ZC3H12B: variants seen among roughly 807,000 people sequenced by gnomAD.
ZC3H12B encodes probable ribonuclease ZC3H12B.
ZC3H12B carries 7 observed loss-of-function variants against 43.9 expected under a neutral mutation model. That is an observed-to-expected ratio of 0.16 (90% confidence interval 0.09 to 0.30). ZC3H12B has a LOEUF of 0.30. Ranked by LOEUF, ZC3H12B falls within the 10% of genes least tolerant of loss-of-function variation. ZC3H12B has a pLI of 1.00. For missense variants in ZC3H12B, 475 were observed against 670.2 expected (o/e 0.71, Z 3.22); for synonymous variants, 222 against 241.7 (o/e 0.92, Z 0.76).
chrX:65,418,396 T>A (rs953272001), intron 3 of ZC3H12B, among the ~76,000 whole-genome samples: 1 of 111,728 alleles, frequency 9.0e-6, no homozygotes, highest in Non-Finnish European at 1.9e-5. Context: ...GCACTTTAAA[T>A]GAGTATTCTT....
At chrX:65,301,743 T>G in the ZC3H12B span, among the ~76,000 whole-genome samples, 1 of 111,099 alleles carries the variant, frequency 9.0e-6, no homozygotes, top group African/African-American at 3.3e-5. Context: ...GACTACACAC[T>G]GGGTACAGTG....
the ZC3H12B span, among the ~76,000 whole-genome samples, chrX:65,143,704 A>G: frequency 9.2e-6 from 1 of 108,345 alleles, no homozygotes; most frequent in Admixed American, 1.0e-4. Context: ...CTGGGACTAG[A>G]GGTGAGCACC....
At chrX:65,152,435 A>C in the ZC3H12B span, among the ~76,000 whole-genome samples, 7 of 111,579 alleles carry the variant, frequency 6.3e-5, no homozygotes, top group African/African-American at 1.9e-4. Flanking sequence ...TTATACACCA[A>C]TAACAGACAG....
the ZC3H12B span, among the ~76,000 whole-genome samples, chrX:65,085,071 A>T: frequency 8.9e-6 from 1 of 111,808 alleles, no homozygotes; most frequent in Non-Finnish European, 1.9e-5. Context: ...AATTGAACTC[A>T]TGGACATAGT....
At chrX:65,480,304 TG>T (rs1356937045) in intron 3 of ZC3H12B, among the ~76,000 whole-genome samples, 1 of 112,248 alleles carries the variant, frequency 8.9e-6, no homozygotes, top group Non-Finnish European at 1.9e-5. Flanking sequence ...ATTTCTACTG[TG>T]GGAAAAAAAG....
At chrX:65,240,786 CT>C in the ZC3H12B span, among the ~76,000 whole-genome samples, 52 of 111,950 alleles carry the variant, frequency 4.6e-4, no homozygotes, top group Non-Finnish European at 5.6e-4. Context: ...TTTGTTGTTG[CT>C]TTCATTTGTT....
the ZC3H12B span, among the ~76,000 whole-genome samples, chrX:65,173,550 C>T: frequency 9.0e-6 from 1 of 111,644 alleles, no homozygotes; most frequent in Non-Finnish European, 1.9e-5. Flanking sequence ...ATGATATTGG[C>T]TATGGGTTTG....
At chrX:65,046,276 G>C in the ZC3H12B span, among the ~76,000 whole-genome samples, 1 of 112,008 alleles carries the variant, frequency 8.9e-6, no homozygotes, top group East Asian at 2.8e-4. Flanking sequence ...TCCGATAGAA[G>C]GCTGTTTTAT....
At chrX:65,094,730 T>A in the ZC3H12B span, among the ~76,000 whole-genome samples, 2 of 112,176 alleles carry the variant, frequency 1.8e-5, no homozygotes, top group African/African-American at 6.5e-5. Flanking sequence ...GATGAAACAA[T>A]TAAAATTGTT....
At chrX:65,452,642 A>G (rs755278753) in intron 3 of ZC3H12B, among the ~76,000 whole-genome samples, 1 of 111,650 alleles carries the variant, frequency 9.0e-6, no homozygotes, top group South Asian at 3.8e-4. Flanking sequence ...GGAATTCAAG[A>G]CCAGCCTGGC....
the ZC3H12B span, among the ~76,000 whole-genome samples, chrX:65,314,714 G>A: frequency 9.0e-6 from 1 of 111,248 alleles, no homozygotes; most frequent in African/African-American, 3.3e-5. Flanking sequence ...CAGAAATGAA[G>A]AGCAACAGAA....
the ZC3H12B span, among the ~76,000 whole-genome samples, chrX:65,273,877 G>A: frequency 1.8e-5 from 2 of 112,371 alleles, no homozygotes; most frequent in African/African-American, 6.5e-5. Context: ...AAAAACAGGA[G>A]TAACATCTTC....
chrX:65,320,967 C>T, the ZC3H12B span, among the ~76,000 whole-genome samples: 2 of 112,098 alleles, frequency 1.8e-5, no homozygotes, highest in East Asian at 2.8e-4. Flanking sequence ...TTAGGCAATA[C>T]CATTTTGAAA....
the ZC3H12B span, among the ~76,000 whole-genome samples, chrX:65,096,625 T>G: frequency 9.0e-6 from 1 of 111,015 alleles, no homozygotes; most frequent in African/African-American, 3.3e-5. Context: ...GAAGAAACAT[T>G]GAAGAAAATG....
the ZC3H12B span, among the ~76,000 whole-genome samples, chrX:65,280,449 G>A: frequency 8.9e-6 from 1 of 111,751 alleles, no homozygotes; most frequent in Non-Finnish European, 1.9e-5. Context: ...TACTGAATGG[G>A]GAAAACCTGA....
At chrX:65,331,552 G>GTTTATTTA in the ZC3H12B span, among the ~76,000 whole-genome samples, 2,037 of 103,711 alleles carry the variant, frequency 0.02, 49 homozygotes, top group African/African-American at 0.063. Context: ...TAAGTTTAAT[G>GTTTATTTA]TTTATTTATT....
chrX:65,213,826 G>T, the ZC3H12B span, among the ~76,000 whole-genome samples: 2 of 108,196 alleles, frequency 1.8e-5, no homozygotes, highest in South Asian at 4.0e-4. Context: ...TTTGGTTTCA[G>T]ACCACTGTAT....
the ZC3H12B span, among the ~76,000 whole-genome samples, chrX:65,133,679 A>G: frequency 9.0e-6 from 1 of 110,770 alleles, no homozygotes; most frequent in Non-Finnish European, 1.9e-5. Flanking sequence ...GGGAGAGCGG[A>G]GGCTGAGGAA....
chrX:65,196,945 G>T, the ZC3H12B span, among the ~76,000 whole-genome samples: 1 of 111,885 alleles, frequency 8.9e-6, no homozygotes, highest in South Asian at 3.8e-4. Flanking sequence ...ATGCAAGAAT[G>T]GCAAAGCGAT....
Sources: gnomAD v4.1 joint callset for allele counts (sites outside exome capture counted in the v4.1 genomes callset) on GRCh38, gnomAD v4.1.1 for gene constraint, MANE v1.5 for transcripts, NCBI Gene and HGNC (gene_info 2026-07-23, HGNC 2026-07-21) for gene names.